The following BABAM2 variants were observed in gnomAD, a reference collection of about 807,000 sequenced individuals.
BABAM2 encodes BRISC and BRCA1 A complex member 2, also known as BRISC and BRCA1-A complex member 2.
BABAM2 carries 31 observed loss-of-function variants against 54.7 expected under a neutral mutation model. The observed-to-expected ratio is 0.57, with a 90% CI of 0.43 to 0.77. The LOEUF (loss-of-function observed/expected upper bound fraction) is 0.77, where lower values mean the gene tolerates loss of function less well. Ranked by LOEUF, BABAM2 falls within the 30% of genes least tolerant of loss-of-function variation. The pLI, the probability that BABAM2 is intolerant of heterozygous loss-of-function variation, is 0.00. For synonymous variants in BABAM2, 167 were observed against 162.9 expected (o/e 1.03, Z -0.19); for missense variants, 364 against 455.8 (o/e 0.80, Z 1.83).
intron 11 of BABAM2, chr2:28,308,417 A>T: frequency 1.9e-6 from 1 of 522,618 alleles, no homozygotes; most frequent in South Asian, 1.4e-5. Context: ...TGAGTCAGCC[A>T]TGAAGAAGAT....
chr2:27,916,971 A>T (rs1436587290), intron 2 of BABAM2, among the ~76,000 whole-genome samples: 1 of 149,666 alleles, frequency 6.7e-6, no homozygotes, highest in East Asian at 2.0e-4. Context: ...TCTTGAGAAT[A>T]GAGAATCCTT....
At chr2:28,108,842 A>C (rs1299033811) in intron 6 of BABAM2, among the ~76,000 whole-genome samples, 1 of 152,146 alleles carries the variant, frequency 6.6e-6, no homozygotes, top group Non-Finnish European at 1.5e-5. Flanking sequence ...CGTGAAAAAA[A>C]AACATTGATG....
intron 11 of BABAM2, among the ~76,000 whole-genome samples, chr2:28,314,474 G>C (rs1689344120): frequency 6.6e-6 from 1 of 152,206 alleles, no homozygotes; most frequent in Non-Finnish European, 1.5e-5. Context: ...GTTTAGAACT[G>C]CAGGGTCTAG....
At chr2:28,001,564 T>G (rs557570226) in intron 4 of BABAM2, among the ~76,000 whole-genome samples, 1 of 152,200 alleles carries the variant, frequency 6.6e-6, no homozygotes, top group African/African-American at 2.4e-5. Context: ...CTTGTGTTGC[T>G]ATTAAATAGT....
intron 7 of BABAM2, among the ~76,000 whole-genome samples, chr2:28,141,949 A>G (rs1303689049): frequency 1.3e-5 from 2 of 152,158 alleles, no homozygotes; most frequent in Non-Finnish European, 2.9e-5. Flanking sequence ...AAAGGTAATT[A>G]TTTAGTATCT....
intron 2 of BABAM2, among the ~76,000 whole-genome samples, chr2:27,918,998 A>G (rs900374208): frequency 9.9e-5 from 15 of 152,134 alleles, no homozygotes; most frequent in Non-Finnish European, 2.9e-5. Flanking sequence ...CCTCATTATG[A>G]GTCTTTTAAT....
At chr2:28,143,144 A>AATATAT (rs144484983) in intron 7 of BABAM2, among the ~76,000 whole-genome samples, 65 of 149,992 alleles carry the variant, frequency 4.3e-4, no homozygotes, top group African/African-American at 1.3e-3. Flanking sequence ...TGGATAAAGA[A>AATATAT]ATATATATAT....
At position 28,325,873 on chromosome 2, in the gene BABAM2, A is replaced by G. The variant is rs185582086; in HGVS notation, c.1089-12577A>G. ...TCTGGTGGAAGAAAGTGAACTTACA[A>G]CCAGGCAAATAACACTTCAAAGCCC... On this transcript the variant is annotated intron_variant, in intron 11 of 11. Transcript: ENST00000379624. This position sits in a 1 kb window ranked among gnomAD's most constrained non-coding sequence, Gnocchi z 4.3. Among the ~76,000 whole-genome samples the G allele has an allele frequency of 1.1e-4, 17 of 152,306 alleles. No homozygotes were observed. The highest frequency in any genetic ancestry group is 3.6e-4 in the African/African-American group (15 of 41,556).
chr2:28,109,508 A>G (rs1051965848), intron 6 of BABAM2, among the ~76,000 whole-genome samples: 2 of 152,090 alleles, frequency 1.3e-5, no homozygotes, highest in Admixed American at 1.3e-4. Flanking sequence ...CTCTTAAGGT[A>G]CATTTGATCC....
intron 7 of BABAM2, among the ~76,000 whole-genome samples, chr2:28,196,570 G>C (rs1189141187): frequency 2.6e-5 from 4 of 151,486 alleles, no homozygotes. Context: ...GGTCAGATAT[G>C]ATGGCTCAAT....
chr2:27,931,502 C>CA (rs1462181445), intron 3 of BABAM2, among the ~76,000 whole-genome samples: 6 of 152,260 alleles, frequency 3.9e-5, no homozygotes, highest in African/African-American at 1.2e-4. Flanking sequence ...CATGAAGCAT[C>CA]AGCCTGTTTT....
chr2:28,254,698 G>A (rs922820285), intron 10 of BABAM2, among the ~76,000 whole-genome samples: 5 of 145,336 alleles, frequency 3.4e-5, no homozygotes, highest in Admixed American at 6.9e-5. Context: ...ACCTCACTAT[G>A]TATCTCTAAC....
At chr2:27,891,622 G>A (rs1304932834) in intron 1 of BABAM2, among the ~76,000 whole-genome samples, 2 of 151,932 alleles carry the variant, frequency 1.3e-5, no homozygotes, top group East Asian at 1.9e-4. Flanking sequence ...CCATGTACCC[G>A]GTTCACTGCA....
chr2:27,919,237 A>C (rs768798351), intron 2 of BABAM2, among the ~76,000 whole-genome samples: 44 of 152,332 alleles, frequency 2.9e-4, no homozygotes, highest in Non-Finnish European at 5.6e-4. Flanking sequence ...CTAAACCCAC[A>C]TATTCATTCC....
chr2:28,120,164 G>C (rs1230868821), intron 6 of BABAM2, among the ~76,000 whole-genome samples: 3 of 152,130 alleles, frequency 2.0e-5, no homozygotes, highest in Non-Finnish European at 4.4e-5. Context: ...CTTTCTAAAA[G>C]TAGACATTAA....
intron 7 of BABAM2, among the ~76,000 whole-genome samples, chr2:28,209,780 T>C (rs1679254686): frequency 6.6e-6 from 1 of 152,166 alleles, no homozygotes; most frequent in Non-Finnish European, 1.5e-5. Context: ...TTGATCAAGC[T>C]ATAGAATTCA....
upstream of BABAM2, chr2:27,890,008 C>T (rs1664685956): frequency 2.5e-6 from 1 of 401,032 alleles, no homozygotes; most frequent in Non-Finnish European, 4.5e-6. This position sits in a 1 kb window ranked among gnomAD's most constrained non-coding sequence, Gnocchi z 4.8. Context: ...TTGGGGAGCG[C>T]TTTGAGTAAT....
intron 4 of BABAM2, among the ~76,000 whole-genome samples, chr2:28,022,492 A>G (rs944499255): frequency 3.3e-5 from 5 of 152,224 alleles, no homozygotes; most frequent in Admixed American, 3.3e-4. Flanking sequence ...TGAAGTTTCT[A>G]TTATAAAATA....
chr2:28,031,372 T>A (rs967761122), intron 5 of BABAM2, among the ~76,000 whole-genome samples: 2 of 152,192 alleles, frequency 1.3e-5, no homozygotes, highest in African/African-American at 4.8e-5. Flanking sequence ...ATACAAAGTA[T>A]GCATTTCTTT....
Sources: allele counts gnomAD v4.1 joint callset (sites outside exome capture counted in the v4.1 genomes callset), GRCh38; gene constraint gnomAD v4.1.1; non-coding constraint Gnocchi (gnomAD v3.1); transcripts MANE v1.5; gene names NCBI Gene and HGNC (gene_info 2026-07-23, HGNC 2026-07-21).